The following FAT1 variants were observed in gnomAD, a reference collection of about 807,000 sequenced individuals.
FAT1 encodes the protein FAT atypical cadherin 1, also known as protocadherin Fat 1.
A neutral mutation model predicts 329.8 loss-of-function variants in FAT1; 171 were observed. The ratio of observed to expected loss-of-function variants is 0.52; its 90% CI spans 0.46 to 0.59. The LOEUF (loss-of-function observed/expected upper bound fraction) is 0.59. Ranked by LOEUF, FAT1 falls within the 20% of genes least tolerant of loss-of-function variation. The pLI is 0.00. For missense variants in FAT1, 5,672 were observed against 5,774.4 expected, an observed-to-expected ratio of 0.98 and a Z score of 0.57; for synonymous variants, 2,233 against 2,228.6, an observed-to-expected ratio of 1.00 and a Z score of -0.06.
In FAT1 at chr4:186,596,738, G is replaced by C. The variant is rs1307881130; in HGVS notation, c.12802C>G (p.Leu4268Val). ...GATCCTTCGAAGGAATTTCGGTCCA[G>C]ATTGTTTCTTGAGTCACTTGGAATA... ...PSIPSDSRNN[L>V]DRNSFEGSAI... Residue 4268 changes from leucine (L) to valine (V), a missense_variant, in exon 25 of 27, where the codon CTG becomes GTG. By Grantham distance (32) the Leu-to-Val change is conservative. This residue lies in a region of FAT1 where 1,706 missense variants were observed against 1,859.1 expected (regional missense o/e 0.92). Transcript: ENST00000441802. This position sits in a 1 kb window ranked among gnomAD's most constrained non-coding sequence, Gnocchi z 4.7. The C allele has an allele frequency of 6.2e-7, 1 of 1,613,904 alleles. No homozygotes were observed. Among genetic ancestry groups the C allele is most frequent in the East Asian group, 2.2e-5 (1 of 44,884 alleles).
chr4:186,629,772 G>A (rs570881703), intron 7 of FAT1, among the ~76,000 whole-genome samples: 87 of 152,224 alleles, frequency 5.7e-4, no homozygotes, highest in Middle Eastern at 3.4e-3. Flanking sequence ...TAAATAAAAC[G>A]TAACATTACA....
At chr4:186,717,897 C>G (rs1261519366) in intron 1 of FAT1, among the ~76,000 whole-genome samples, 1 of 152,062 alleles carries the variant, frequency 6.6e-6, no homozygotes, top group Non-Finnish European at 1.5e-5. Context: ...CAAACTTTGC[C>G]CAAGGAGAAG....
intron 4 of FAT1, among the ~76,000 whole-genome samples, chr4:186,638,059 T>C (rs553080227): frequency 2.6e-5 from 4 of 152,326 alleles, no homozygotes; most frequent in Non-Finnish European, 5.9e-5. Flanking sequence ...TTCCTAACTT[T>C]GGGTTCAAGA....
Position 186,709,682 on chromosome 4 carries a change from G to A in FAT1, c.146C>T (p.Ala49Val), listed in dbSNP as rs2126705969. Residue 49 changes from alanine to valine, a missense_variant, in exon 2 of 27, where the codon GCT becomes GTT. Around this residue, in one of 2 missense-constraint regions of FAT1, gnomAD observed 3,966 missense variants for 3,915.2 expected, o/e 1.01. Transcript: ENST00000441802. ...YNVTVQENSA[A>V]KTYVGHPVKM... is the part of the protein sequence containing the mutation. The stretch of plus-strand genomic sequence containing the variant: ...GACAGGATGCCCCACATAAGTCTTA[G>A]CTGCAGAGTTCTCCTGCACGGTGAC... 1.2e-6 allele frequency: 2 copies of A among 1,613,992 alleles called. No individual in the cohort carries two copies. The highest frequency in any genetic ancestry group is 2.2e-5 in the East Asian group (1 of 44,878).
intron 2 of FAT1, among the ~76,000 whole-genome samples, chr4:186,676,487 T>A (rs1435333574): frequency 1.3e-5 from 2 of 152,194 alleles, no homozygotes; most frequent in African/African-American, 4.8e-5. Context: ...ATTTCAGAAA[T>A]GTAAAAGCAA....
At chr4:186,622,288 T>C (rs1740083385) in intron 9 of FAT1, among the ~76,000 whole-genome samples, 1 of 152,254 alleles carries the variant, frequency 6.6e-6, no homozygotes, top group Non-Finnish European at 1.5e-5. Flanking sequence ...CACCCCACTT[T>C]ACAGGTTTTG....
chr4:186,718,536 A>G (rs1475103070), intron 1 of FAT1, among the ~76,000 whole-genome samples: 1 of 152,076 alleles, frequency 6.6e-6, no homozygotes, highest in Non-Finnish European at 1.5e-5. Flanking sequence ...GCGTGGTGGC[A>G]TGCACCTGTA....
At chr4:186,609,424 G>GTTT in intron 15 of FAT1, 104 bp from the exon 16 acceptor site, 7 of 1,182,432 alleles carry the variant, frequency 5.9e-6, no homozygotes, top group Admixed American at 3.1e-5. Flanking sequence ...TTTTGTTGTT[G>GTTT]TTTTTTTTTT....
chr4:186,665,869 A>G (rs1353793013), intron 2 of FAT1, among the ~76,000 whole-genome samples: 1 of 152,112 alleles, frequency 6.6e-6, no homozygotes, highest in Non-Finnish European at 1.5e-5. Context: ...AAAAAGGATG[A>G]GTTCATGTCC....
Position 186,596,875 on chromosome 4 carries a change from C to A in FAT1, c.12665G>T (p.Gly4222Val), listed in dbSNP as rs2126391346. The A allele has an allele frequency of 6.2e-7, 1 of 1,613,994 alleles. No individual in the cohort carries two copies. The change falls in exon 25 of 27, where the codon GGA becomes GTA. Residue 4222 changes from glycine to valine, a missense_variant. Gly to Val is a moderately radical substitution (Grantham distance 109). This residue lies in a region of FAT1 where 1,706 missense variants were observed against 1,859.1 expected (regional missense o/e 0.92). Transcript: ENST00000441802. The surrounding 1 kb of genome is among the most constrained non-coding windows in gnomAD (Gnocchi z 4.7). ...HQAEPKDKHL[G>V]PATAFLQRPY... The stretch of plus-strand genomic sequence containing the variant: ...TCTTTGCAAGAAAGCCGTAGCGGGT[C>A]CCAGGTGCTTGTCTTTAGGTTCAGC...
At position 186,708,056 on chromosome 4, in the gene FAT1, A is replaced by C. The variant is rs763760839; in HGVS notation, c.1772T>G (p.Val591Gly). The C allele has an allele frequency of 3.7e-6, 6 of 1,613,902 alleles. No homozygotes were observed. In the African/African-American group the frequency reaches 6.7e-5, roughly 18 times the overall value. Residue 591 changes from valine (V) to glycine (G), a missense_variant, in exon 2 of 27, where the codon GTT (valine) becomes GGT (glycine). Physicochemically the swap from Val to Gly is moderately radical, Grantham distance 109. Around this residue, in one of 2 missense-constraint regions of FAT1, gnomAD observed 3,966 missense variants for 3,915.2 expected, o/e 1.01. Transcript: ENST00000441802. ...DLGVGEQITT[V>G]SAIDADELQL... ...AAGTTCATCTGCATCAATAGCAGAA[A>C]CAGTGGTTATTTGCTCTCCCACGCC...
At position 186,618,926 on chromosome 4, in the gene FAT1, G is replaced by C. The variant is rs2126500460; in HGVS notation, c.7660C>G (p.Leu2554Val). The change falls in exon 10 of 27, where the codon CTT (leucine) becomes GTT (valine). Residue 2554 changes from leucine (L) to valine (V), a missense_variant. By Grantham distance (32) the Leu-to-Val change is conservative. This residue lies in a region of FAT1 where 3,966 missense variants were observed against 3,915.2 expected (regional missense o/e 1.01). Coordinates refer to ENST00000441802, the MANE Select transcript of FAT1 (RefSeq NM_005245.4). ...ERGQIFTLEK[L>V]DRETPAEKVI... ...TTCTCCGCCGGGGTTTCTCGATCAA[G>C]TTTTTCCAAAGTAAATATCTGTCCT... The C allele has an allele frequency of 1.2e-6, 2 of 1,613,918 alleles. No homozygotes were observed. The highest frequency in any genetic ancestry group is 1.7e-6 in the Non-Finnish European group (2 of 1,179,878).
chr4:186,619,154 C>G lies in FAT1; in HGVS notation c.7432G>C (p.Val2478Leu), dbSNP rs766252159. The change falls in exon 10 of 27, where the codon GTT becomes CTT. Residue 2478 changes from valine to leucine, a missense_variant. Val to Leu is a conservative substitution (Grantham distance 32). This residue lies in a region of FAT1 where 3,966 missense variants were observed against 3,915.2 expected (regional missense o/e 1.01). Transcript: ENST00000441802. ...TTGCCTCCAATTACAGTTACATGAACCTGGGTGGAACTTCTAAAAACTCCA... is the reference window on the plus strand; with the variant it reads ...TTGCCTCCAATTACAGTTACATGAAGCTGGGTGGAACTTCTAAAAACTCCA... ...SDGVFRSSTQ[V>L]HVTVIGGNLH... The G allele has an allele frequency of 1.4e-5, 23 of 1,613,932 alleles. No homozygotes were observed. Among genetic ancestry groups the G allele is most frequent in the Non-Finnish European group, 1.9e-5 (23 of 1,179,904 alleles).
chr4:186,677,641 T>A (rs537728329), intron 2 of FAT1, among the ~76,000 whole-genome samples: 1 of 152,120 alleles, frequency 6.6e-6, no homozygotes, highest in African/African-American at 2.4e-5. Context: ...CCTCCTACAA[T>A]ACCCAGTATA....
chr4:186,619,448 C>T lies in FAT1; in HGVS notation c.7138G>A (p.Val2380Ile), dbSNP rs201352448. Reference sequence around the variant, plus strand: ...GGTGGATTATCATTGAGGTCGGTAACGTCCACCGTGACAATCACATCACTG... The same window carrying T: ...GGTGGATTATCATTGAGGTCGGTAATGTCCACCGTGACAATCACATCACTG... ...LSSDVIVTVD[V>I]TDLNDNPPLF... Residue 2380 changes from valine (V) to isoleucine (I), a missense_variant, in exon 10 of 27, where the codon GTT becomes ATT. Physicochemically the swap from Val to Ile is conservative, Grantham distance 29 (BLOSUM62 3). Coordinates refer to ENST00000441802, the MANE Select transcript of FAT1 (RefSeq NM_005245.4). The T allele has an allele frequency of 3.9e-5, 63 of 1,613,906 alleles. No individual in the cohort carries two copies. Among genetic ancestry groups the T allele is most frequent in the Admixed American group, 2.0e-4 (12 of 60,006 alleles).
chr4:186,641,401 T>TC (rs1741086612), intron 3 of FAT1, among the ~76,000 whole-genome samples: 1 of 152,180 alleles, frequency 6.6e-6, no homozygotes, highest in African/African-American at 2.4e-5. Context: ...TCTCTTTTTT[T>TC]CCCCAATCAA....
intron 2 of FAT1, among the ~76,000 whole-genome samples, chr4:186,682,526 C>CAAAAAAAAAAAAGAAAAAAA (rs1743269235): frequency 8.4e-6 from 1 of 119,706 alleles, no homozygotes; most frequent in Admixed American, 8.3e-5. Context: ...GACTCTGTCT[C>CAAAAAAAAAAAAGAAAAAAA]AAAAAAAAAA....
Position 186,707,692 on chromosome 4 carries a change from G to T in FAT1, c.2136C>A (p.His712Gln). Residue 712 changes from histidine (H) to glutamine (Q), a missense_variant, in exon 2 of 27, where the codon CAC (histidine) becomes CAA (glutamine). His to Gln is a conservative substitution (Grantham distance 24). Transcript: ENST00000441802. Reference sequence around the variant, plus strand: ...GAAGAGTGCTTCTAAACTGCGGTATGTGAGCATTGACAGAGTGAGAATCGA... The same window carrying T: ...GAAGAGTGCTTCTAAACTGCGGTATTTGAGCATTGACAGAGTGAGAATCGA... Reference protein sequence around the residue: ...IFFDSHSVNAHIPQFRSTLPT... With the variant: ...IFFDSHSVNAQIPQFRSTLPT... 1 of 1,613,956 alleles carries T rather than the reference G, an allele frequency of 6.2e-7. No homozygotes were observed. Among genetic ancestry groups the T allele is most frequent in the Non-Finnish European group, 8.5e-7 (1 of 1,179,886 alleles).
At chr4:186,699,881 A>C (rs1410669395) in intron 2 of FAT1, among the ~76,000 whole-genome samples, 5 of 152,240 alleles carry the variant, frequency 3.3e-5, no homozygotes, top group African/African-American at 1.2e-4. Flanking sequence ...AAATCTTTTC[A>C]ATTTTCATAG....
Sources: allele counts gnomAD v4.1 joint callset (sites outside exome capture counted in the v4.1 genomes callset), GRCh38; gene constraint gnomAD v4.1.1; regional missense constraint gnomAD v4.1.1; non-coding constraint Gnocchi (gnomAD v3.1); transcripts MANE v1.5; gene names NCBI Gene and HGNC (gene_info 2026-07-23, HGNC 2026-07-21).